The following NXPH2 variants were observed in gnomAD, a reference collection of about 807,000 sequenced individuals.
The protein encoded by NXPH2 is neurexophilin 2, also known as neurexophilin-2.
A neutral mutation model predicts 19.8 loss-of-function variants in NXPH2; 5 were observed. The observed-to-expected ratio is 0.25, with a 90% confidence interval of 0.13 to 0.53. The LOEUF (loss-of-function observed/expected upper bound fraction) is 0.53, where lower values mean the gene tolerates loss of function less well. NXPH2 is among the 20% of genes least tolerant of loss of function. The pLI is 0.96. For missense variants in NXPH2, 289 were observed against 322.8 expected, an observed-to-expected ratio of 0.90 and a Z score of 0.80; for synonymous variants, 154 against 127.4, an observed-to-expected ratio of 1.21 and a Z score of -1.41.
intron 1 of NXPH2, among the ~76,000 whole-genome samples, chr2:138,686,635 T>C (rs1176959973): frequency 1.3e-5 from 2 of 152,256 alleles, no homozygotes; most frequent in African/African-American, 4.8e-5. Flanking sequence ...ATGTGCCATG[T>C]TGGTGTGCTG....
At chr2:138,742,517 G>A (rs1417239026) in intron 1 of NXPH2, among the ~76,000 whole-genome samples, 1 of 152,178 alleles carries the variant, frequency 6.6e-6, no homozygotes, top group African/African-American at 2.4e-5. Flanking sequence ...TCTGTGGAAT[G>A]TTCATTTCAA....
intron 1 of NXPH2, among the ~76,000 whole-genome samples, chr2:138,739,695 G>A (rs1573973130): frequency 6.6e-6 from 1 of 152,152 alleles, no homozygotes; most frequent in African/African-American, 2.4e-5. Flanking sequence ...CTGCTCTCAA[G>A]CAAGGAAATA....
intron 1 of NXPH2, among the ~76,000 whole-genome samples, chr2:138,740,664 T>C (rs1244605360): frequency 6.6e-6 from 1 of 152,142 alleles, no homozygotes; most frequent in Admixed American, 6.5e-5. Context: ...CTAATTTATT[T>C]CATTGATTTG....
chr2:138,745,495 G>GC lies in NXPH2; in HGVS notation c.51+34695_51+34696insG, dbSNP rs1434989881. On this transcript the variant is annotated intron_variant, in intron 1 of 1. Transcript: ENST00000272641. ...ACATCCTTTTCTTCTTTTTTTGGCG[G>GC]GGGGGGGGGGGTGTTGTTTGCATGT... is the stretch of plus-strand genomic sequence containing the variant. 5.0e-3 allele frequency among the ~76,000 whole-genome samples: 88 copies of GC among 17,608 alleles called. 1 individual carries two copies. The highest frequency in any genetic ancestry group is 0.021 in the East Asian group (26 of 1,212). The allele number at this position is 17,608 out of a possible 152,430, so 11.6% of individuals were successfully genotyped here. A position where few individuals can be genotyped will look rare whatever the true frequency, so the allele number is the denominator to read the frequency against.
At chr2:138,757,376 G>A (rs1299092561) in intron 1 of NXPH2, among the ~76,000 whole-genome samples, 6 of 152,154 alleles carry the variant, frequency 3.9e-5, no homozygotes, top group Non-Finnish European at 7.4e-5. Context: ...AGCAGCAGCA[G>A]GCCTATAATG....
chr2:138,708,796 C>T (rs1412836054), intron 1 of NXPH2, among the ~76,000 whole-genome samples: 1 of 152,152 alleles, frequency 6.6e-6, no homozygotes, highest in South Asian at 2.1e-4. Flanking sequence ...GGCTGGAGGA[C>T]ATTTATCAAA....
intron 1 of NXPH2, among the ~76,000 whole-genome samples, chr2:138,698,639 G>C (rs1030955228): frequency 6.6e-6 from 1 of 152,104 alleles, no homozygotes; most frequent in Non-Finnish European, 1.5e-5. Context: ...AGGATCCTTT[G>C]AGCCCAGGAG....
At chr2:138,692,503 A>G (rs938781633) in intron 1 of NXPH2, among the ~76,000 whole-genome samples, 4 of 152,180 alleles carry the variant, frequency 2.6e-5, no homozygotes, top group Non-Finnish European at 5.9e-5. Flanking sequence ...TTCACCAGGT[A>G]CCTTTTTGCC....
chr2:138,749,149 A>T (rs918741986), intron 1 of NXPH2, among the ~76,000 whole-genome samples: 2 of 152,142 alleles, frequency 1.3e-5, no homozygotes, highest in African/African-American at 4.8e-5. Context: ...CACAATAGTG[A>T]GTGAGTTCTC....
intron 1 of NXPH2, among the ~76,000 whole-genome samples, chr2:138,714,008 A>G (rs1282321133): frequency 6.6e-6 from 1 of 152,194 alleles, no homozygotes; most frequent in Non-Finnish European, 1.5e-5. Context: ...CTAATAAAAC[A>G]AAACAGAAAA....
chr2:138,687,320 T>G (rs1436025025), intron 1 of NXPH2, among the ~76,000 whole-genome samples: 1 of 152,244 alleles, frequency 6.6e-6, no homozygotes, highest in Non-Finnish European at 1.5e-5. Flanking sequence ...TGAGCATTTT[T>G]TCATGTGTCT....
intron 1 of NXPH2, among the ~76,000 whole-genome samples, chr2:138,714,940 G>T (rs901405752): frequency 1.2e-4 from 19 of 152,174 alleles, no homozygotes; most frequent in South Asian, 6.2e-4. Flanking sequence ...ATGACTAAAA[G>T]AATTTCATGA....
At chr2:138,712,676 C>G (rs980097340) in intron 1 of NXPH2, among the ~76,000 whole-genome samples, 1 of 152,184 alleles carries the variant, frequency 6.6e-6, no homozygotes, top group African/African-American at 2.4e-5. Flanking sequence ...CCCCTCACCC[C>G]CTTCCTATGT....
chr2:138,692,446 C>T (rs998958983), intron 1 of NXPH2, among the ~76,000 whole-genome samples: 1 of 152,038 alleles, frequency 6.6e-6, no homozygotes, highest in Non-Finnish European at 1.5e-5. Context: ...GATAAGCAAC[C>T]CTCTCTCTGT....
At chr2:138,681,683 G>A (rs1007377707) in intron 1 of NXPH2, among the ~76,000 whole-genome samples, 3 of 152,134 alleles carry the variant, frequency 2.0e-5, no homozygotes, top group African/African-American at 7.2e-5. Flanking sequence ...CTTGATAACA[G>A]GACTGGCATA....
intron 1 of NXPH2, among the ~76,000 whole-genome samples, chr2:138,755,583 T>A (rs1264179657): frequency 6.6e-6 from 1 of 152,154 alleles, no homozygotes; most frequent in Non-Finnish European, 1.5e-5. Context: ...TACTACAGCC[T>A]AATAGTAAGT....
intron 1 of NXPH2, among the ~76,000 whole-genome samples, chr2:138,729,712 T>C (rs796145810): frequency 4.6e-5 from 7 of 152,340 alleles, no homozygotes; most frequent in African/African-American, 1.7e-4. Context: ...ACACCATTTC[T>C]GAGCTACATT....
At chr2:138,762,550 A>G (rs543188326) in intron 1 of NXPH2, among the ~76,000 whole-genome samples, 2 of 152,312 alleles carry the variant, frequency 1.3e-5, no homozygotes, top group South Asian at 2.1e-4. Context: ...TGCCTTCACC[A>G]TATCAATTCT....
chr2:138,676,154 C>G (rs1422427405), intron 1 of NXPH2, among the ~76,000 whole-genome samples: 2 of 152,170 alleles, frequency 1.3e-5, no homozygotes, highest in Non-Finnish European at 1.5e-5. Context: ...ACTTCCAAAT[C>G]TAAACCCAAA....
Sources: gnomAD v4.1 joint callset for allele counts (sites outside exome capture counted in the v4.1 genomes callset) on GRCh38, gnomAD v4.1.1 for gene constraint, MANE v1.5 for transcripts, NCBI Gene and HGNC (gene_info 2026-07-23, HGNC 2026-07-21) for gene names.